The following EPM2A variants were observed in gnomAD, a reference collection of about 807,000 sequenced individuals.
The protein encoded by EPM2A is laforin.
In EPM2A, 21 loss-of-function variants were observed where a neutral mutation model predicts 26.5. That is an observed-to-expected ratio of 0.79 (90% CI 0.56 to 1.14). The LOEUF (loss-of-function observed/expected upper bound fraction) is 1.14, where lower values mean the gene tolerates loss of function less well. Ranked by LOEUF, EPM2A falls within the 50% of genes most tolerant of loss-of-function variation. EPM2A has a pLI of 0.00. For synonymous variants in EPM2A, 217 were observed against 177.6 expected (o/e 1.22, Z -1.76); for missense variants, 458 against 440.8 (o/e 1.04, Z -0.35).
intron 2 of EPM2A, among the ~76,000 whole-genome samples, chr6:145,605,070 C>G (rs1775205967): frequency 6.6e-6 from 1 of 152,080 alleles, no homozygotes; most frequent in Non-Finnish European, 1.5e-5. Context: ...AAGAGAAAAG[C>G]AATTTTAAAT....
At chr6:145,571,215 G>A (rs1034249087) in intron 2 of EPM2A, among the ~76,000 whole-genome samples, 2 of 152,220 alleles carry the variant, frequency 1.3e-5, no homozygotes, top group Admixed American at 6.5e-5. Flanking sequence ...CTGATTCAGA[G>A]CATACACGGC....
chr6:145,596,507 G>T (rs1781344855), intron 2 of EPM2A, among the ~76,000 whole-genome samples: 1 of 152,040 alleles, frequency 6.6e-6, no homozygotes, highest in African/African-American at 2.4e-5. Context: ...TATGTAAACA[G>T]AATATTTTTG....
chr6:145,392,476 T>A (rs903832136), intron 4 of EPM2A, among the ~76,000 whole-genome samples: 1 of 152,114 alleles, frequency 6.6e-6, no homozygotes, highest in Non-Finnish European at 1.5e-5. Flanking sequence ...CTCTGCCATC[T>A]TTCACCCTTT....
chr6:145,691,840 G>A (rs543079729), intron 1 of EPM2A, among the ~76,000 whole-genome samples: 1 of 151,812 alleles, frequency 6.6e-6, no homozygotes, highest in Non-Finnish European at 1.5e-5. Context: ...AGGAGGAAGA[G>A]AAAACAACCA....
intron 4 of EPM2A, among the ~76,000 whole-genome samples, chr6:145,465,602 A>T (rs1474498015): frequency 1.3e-5 from 2 of 150,728 alleles, no homozygotes; most frequent in Non-Finnish European, 3.0e-5. Flanking sequence ...TTGTGGTTTT[A>T]TCTACTTTTG....
At chr6:145,715,339 G>A (rs532687015) in intron 1 of EPM2A, among the ~76,000 whole-genome samples, 47 of 152,178 alleles carry the variant, frequency 3.1e-4, no homozygotes, top group East Asian at 7.7e-4. Context: ...CCAAAGAACC[G>A]CACAGGGACA....
chr6:145,398,647 G>A (rs1778439643), intron 4 of EPM2A, among the ~76,000 whole-genome samples: 1 of 151,988 alleles, frequency 6.6e-6, no homozygotes, highest in Non-Finnish European at 1.5e-5. Flanking sequence ...ATCACTTGAA[G>A]TCAGGAGTTC....
At chr6:145,635,176 A>G in intron 3 of EPM2A, 69 bp downstream of exon 3, 2 of 1,562,254 alleles carry the variant, frequency 1.3e-6, no homozygotes, top group Non-Finnish European at 1.8e-6. Context: ...ATTAAATTAT[A>G]GATAGACAGA....
exon 4 of EPM2A, chr6:145,501,785 A>C (rs1779893164): frequency 2.1e-6 from 1 of 470,834 alleles, no homozygotes; most frequent in African/African-American, 2.0e-5. Flanking sequence ...AGATATAATA[A>C]GGTTAGGGAG....
At chr6:145,472,489 G>A (rs1406754108) in intron 4 of EPM2A, among the ~76,000 whole-genome samples, 1 of 152,030 alleles carries the variant, frequency 6.6e-6, no homozygotes, top group Non-Finnish European at 1.5e-5. Context: ...GACTTGACCT[G>A]TGGACAGCAT....
chr6:145,632,202 T>A (rs4896827), intron 3 of EPM2A: 68,773 of 151,676 alleles, frequency 0.45, 16,102 homozygotes, highest in African/African-American at 0.55. Flanking sequence ...GACAAGGCTT[T>A]AGCCCAGTTG....
chr6:145,673,360 C>T (rs1223285708), intron 2 of EPM2A, among the ~76,000 whole-genome samples: 2 of 152,166 alleles, frequency 1.3e-5, no homozygotes, highest in East Asian at 1.9e-4. Context: ...GTGTGATCGA[C>T]GCAGAAGATA....
At position 145,542,665 on chromosome 6, in the gene EPM2A, G is replaced by A. The variant is rs1022918981; in HGVS notation, c.341-40090C>T. Among the ~76,000 whole-genome samples, 30 of 152,304 alleles carry A rather than the reference G, an allele frequency of 2.0e-4. 1 individual carries two copies. The highest frequency in any genetic ancestry group is 6.5e-4 in the African/African-American group (27 of 41,570). ...GACCCTTGTTAGTCCCCTCTGGACA[G>A]TCAAATGTTGTTTTGGATTCTTTAG... On this transcript the variant is annotated intron_variant, in intron 2 of 3. Transcript: ENST00000450221.
chr6:145,683,294 TGTGTGTGTGTGTGA>T (rs1276892025), intron 2 of EPM2A, among the ~76,000 whole-genome samples: 17 of 149,740 alleles, frequency 1.1e-4, no homozygotes, highest in Non-Finnish European at 1.0e-4. Context: ...TGTGTGTGTG[TGTGTGTGTGTGTGA>T]GTGTGTATAT....
In EPM2A at chr6:145,627,960, A is replaced by T. The variant is rs1369762636; in HGVS notation, c.719-267T>A. On this transcript the variant is annotated intron_variant, in intron 3 of 3. Transcript: ENST00000367519. ...GCTCCTTTGGGTGACTTCGCCATCCATGCAAATATCCCTCCAAAGAAAAGT... is the reference window on the plus strand; with the variant it reads ...GCTCCTTTGGGTGACTTCGCCATCCTTGCAAATATCCCTCCAAAGAAAAGT... 4.0e-6 allele frequency: 2 copies of T among 505,976 alleles called. 1 individual carries two copies. The highest frequency in any genetic ancestry group is 7.0e-6 in the Non-Finnish European group (2 of 284,476). 31.3% of individuals were successfully genotyped at this position (505,976 alleles called of 1,614,324 possible). A position where few individuals can be genotyped will look rare whatever the true frequency, so the allele number is the denominator to read the frequency against.
In EPM2A at chr6:145,627,327, C is replaced by G. The variant is rs1775882141; in HGVS notation, c.*89G>C. The G allele has an allele frequency of 6.2e-7, 1 of 1,602,610 alleles. No homozygotes were observed. Among genetic ancestry groups the G allele is most frequent in the Non-Finnish European group, 8.5e-7 (1 of 1,179,366 alleles). ...GGGAGGTCACACAGTCCTTTCAGTT[C>G]AGGTAGAATCCTTGTTTCTAGGTCA... On this transcript the variant is annotated 3_prime_UTR_variant, in exon 4 of 4. Coordinates refer to ENST00000367519, the MANE Select transcript of EPM2A (RefSeq NM_005670.4).
At chr6:145,567,427 A>C (rs1780898471) in intron 2 of EPM2A, among the ~76,000 whole-genome samples, 1 of 152,188 alleles carries the variant, frequency 6.6e-6, no homozygotes, top group African/African-American at 2.4e-5. Flanking sequence ...AGTCAAGTGC[A>C]ATGTAGGTTG....
intron 2 of EPM2A, among the ~76,000 whole-genome samples, chr6:145,586,344 C>CTT (rs112977639): frequency 6.6e-6 from 1 of 151,888 alleles, no homozygotes; most frequent in Non-Finnish European, 1.5e-5. Context: ...AATTTAACGT[C>CTT]TTTTTTTTAT....
chr6:145,580,525 T>C (rs1355610630), intron 2 of EPM2A, among the ~76,000 whole-genome samples: 1 of 152,134 alleles, frequency 6.6e-6, no homozygotes, highest in Non-Finnish European at 1.5e-5. Flanking sequence ...ATTTACTTTT[T>C]TAACTTTTAT....
Sources: gnomAD v4.1 joint callset for allele counts (sites outside exome capture counted in the v4.1 genomes callset) on GRCh38, gnomAD v4.1.1 for gene constraint, MANE v1.5 for transcripts, NCBI Gene and HGNC (gene_info 2026-07-23, HGNC 2026-07-21) for gene names.